CRTAC1: variants seen among roughly 807,000 people sequenced by gnomAD.
CRTAC1 encodes cartilage acidic protein 1.
Under a neutral mutation model 67.8 loss-of-function variants are expected in CRTAC1, and 37 were observed. The ratio of observed to expected loss-of-function variants is 0.55; its 90% CI spans 0.42 to 0.72. The LOEUF is 0.72. Ranked by LOEUF, CRTAC1 falls within the 30% of genes least tolerant of loss-of-function variation. The pLI, the probability that CRTAC1 is intolerant of heterozygous loss-of-function variation, is 0.00. For missense variants in CRTAC1, 780 were observed against 931.6 expected (o/e 0.84, Z 2.12); for synonymous variants, 348 against 371.0 (o/e 0.94, Z 0.71).
At chr10:97,936,921 A>T (rs2136615231) in intron 2 of CRTAC1, among the ~76,000 whole-genome samples, 1 of 152,130 alleles carries the variant, frequency 6.6e-6, no homozygotes, top group African/African-American at 2.4e-5. Flanking sequence ...GGTGCTTTCT[A>T]CTATCCCGAG....
chr10:97,910,734 T>C (rs1276540435), intron 5 of CRTAC1, among the ~76,000 whole-genome samples: 1 of 152,130 alleles, frequency 6.6e-6, no homozygotes, highest in African/African-American at 2.4e-5. Flanking sequence ...GGGGCCTTTT[T>C]CGCCTATGCA....
chr10:98,012,877 T>G (rs1217036607), intron 1 of CRTAC1, among the ~76,000 whole-genome samples: 1 of 152,150 alleles, frequency 6.6e-6, no homozygotes, highest in African/African-American at 2.4e-5. Context: ...CATTCCAAAT[T>G]ACAGAGATGT....
chr10:97,928,554 T>A (rs1388945710), intron 3 of CRTAC1, among the ~76,000 whole-genome samples: 1 of 152,136 alleles, frequency 6.6e-6, no homozygotes, highest in Admixed American at 6.5e-5. Context: ...ATGAAGCGCC[T>A]GGGGCATGAG....
In CRTAC1 at chr10:97,897,096, T is replaced by G. The variant is rs1415262017; in HGVS notation, c.1134-105A>C. On this transcript the variant is annotated intron_variant, in intron 8 of 14. Transcript: ENST00000370597. The stretch of plus-strand genomic sequence containing the variant: ...CCCTGAGCATCCCCGGGTCCCAATG[T>G]GCATGGGCTACCACCTGGCTGCCCA... 1.1e-5 allele frequency: 8 copies of G among 759,380 alleles called. No homozygotes were observed. The East Asian group carries it at 2.4e-4, about 23-fold the overall frequency. The allele number at this position is 759,380 out of a possible 1,614,324, so 47.0% of individuals were successfully genotyped here. A position where few individuals can be genotyped will look rare whatever the true frequency, so the allele number is the denominator to read the frequency against.
chr10:97,891,693 G>T (rs510393), intron 11 of CRTAC1, among the ~76,000 whole-genome samples: 37,093 of 152,076 alleles, frequency 0.24, 4,872 homozygotes, highest in East Asian at 0.52. Context: ...CCCTGTTCTC[G>T]CACCCCCATG....
At chr10:97,886,198 C>A (rs970230213) in intron 11 of CRTAC1, among the ~76,000 whole-genome samples, 1 of 152,304 alleles carries the variant, frequency 6.6e-6, no homozygotes, top group East Asian at 1.9e-4. Context: ...GAGGGAGTTA[C>A]GCCTTGTGAG....
At position 97,981,614 on chromosome 10, in the gene CRTAC1, G is replaced by A. The variant is rs142743546; in HGVS notation, c.224+29524C>T. ...CAAATAGCCTTGCACATAATTTTCT[G>A]ACCTTATATTTCTGATTATTTTGCT... is the stretch of plus-strand genomic sequence containing the variant. On this transcript the variant is annotated intron_variant, in intron 2 of 14. Transcript: ENST00000370597. 4.1e-4 allele frequency among the ~76,000 whole-genome samples: 63 copies of A among 152,122 alleles called. 3 individuals carry two copies. The East Asian group carries it at 0.012, about 29-fold the overall frequency.
intron 9 of CRTAC1, among the ~76,000 whole-genome samples, chr10:97,896,189 C>T (rs527389628): frequency 2.6e-5 from 4 of 152,174 alleles, no homozygotes; most frequent in Non-Finnish European, 5.9e-5. Flanking sequence ...ACAGACATTT[C>T]CTTCCTTCCC....
At chr10:97,911,895 G>C (rs1033070195) in intron 5 of CRTAC1, among the ~76,000 whole-genome samples, 3 of 152,168 alleles carry the variant, frequency 2.0e-5, no homozygotes, top group Non-Finnish European at 4.4e-5. Context: ...TAGCTTTGGA[G>C]AATGATGTTC....
At chr10:97,891,575 T>C (rs897288177) in intron 11 of CRTAC1, among the ~76,000 whole-genome samples, 1 of 152,258 alleles carries the variant, frequency 6.6e-6, no homozygotes, top group African/African-American at 2.4e-5. Context: ...TCTGCCTTCC[T>C]CCGCCCACTG....
Position 97,985,852 on chromosome 10 carries a change from G to A in CRTAC1, c.224+25286C>T, listed in dbSNP as rs146133533. ...CACCCATCCCAGCCTGTCCTGCACT[G>A]AAATAAGAACTCACTTTGTGAACTG... On this transcript the variant is annotated intron_variant, in intron 2 of 14. Transcript: ENST00000370597. 1.4e-3 allele frequency among the ~76,000 whole-genome samples: 220 copies of A among 152,258 alleles called. 1 individual carries two copies. The highest frequency in any genetic ancestry group is 0.01 in the Middle Eastern group (3 of 294).
At chr10:97,999,285 G>T (rs1443504769) in intron 2 of CRTAC1, among the ~76,000 whole-genome samples, 1 of 152,216 alleles carries the variant, frequency 6.6e-6, no homozygotes, top group African/African-American at 2.4e-5. Flanking sequence ...CACTCTTGGG[G>T]GCCTGGGAAG....
intron 2 of CRTAC1, among the ~76,000 whole-genome samples, chr10:97,995,772 C>G (rs1842552062): frequency 6.6e-6 from 1 of 152,074 alleles, no homozygotes; most frequent in Non-Finnish European, 1.5e-5. Context: ...GTTACAGAAC[C>G]CTACATTAAG....
rs751857125 is a variant in CRTAC1 at position 97,896,892 on chromosome 10, C to T, written c.1216+17G>A. ...CTAAGGGGGCAGTGCAGGCCAGATC[C>T]CCCAGGTGCCCCTCACCTGTGCCCC... On this transcript the variant is annotated intron_variant, in intron 9 of 14. Transcript: ENST00000370597. 10 of 1,517,126 alleles carry T rather than the reference C, an allele frequency of 6.6e-6. No individual in the cohort carries two copies. The highest frequency in any genetic ancestry group is 1.9e-4 in the Middle Eastern group (1 of 5,340). The allele number at this position is 1,517,126 out of a possible 1,614,324, so 94.0% of individuals were successfully genotyped here.
intron 2 of CRTAC1, among the ~76,000 whole-genome samples, chr10:97,980,511 A>T (rs1483207501): frequency 6.6e-6 from 1 of 152,212 alleles, no homozygotes; most frequent in Non-Finnish European, 1.5e-5. Context: ...AAGTCCTGGG[A>T]TCCACTTCCA....
chr10:97,950,231 G>A (rs1210371032), intron 2 of CRTAC1, among the ~76,000 whole-genome samples: 1 of 132,566 alleles, frequency 7.5e-6, no homozygotes, highest in Admixed American at 8.0e-5. Flanking sequence ...TTGCATGTAC[G>A]TGCACACACA....
intron 12 of CRTAC1, 134 bp from the exon 13 acceptor site, chr10:97,882,962 G>T: frequency 1.1e-6 from 1 of 877,194 alleles, no homozygotes; most frequent in Non-Finnish European, 1.8e-6. Context: ...GGGCCTGGGG[G>T]GAGCCCCCTC....
chr10:97,876,228 C>T (rs1413736048), intron 14 of CRTAC1, among the ~76,000 whole-genome samples: 1 of 152,190 alleles, frequency 6.6e-6, no homozygotes, highest in East Asian at 1.9e-4. Flanking sequence ...CCAGTCCTGC[C>T]TTCGTCTGTC....
Position 97,883,872 on chromosome 10 carries a change from G to A in CRTAC1, c.1632+334C>T, listed in dbSNP as rs181893696. ...ACCAGGAGGGCAGCAACAGACCTGG[G>A]GTCATTTTAAAACTTTGCTCACAAC... On this transcript the variant is annotated intron_variant, in intron 12 of 14. Coordinates refer to ENST00000370597, the MANE Select transcript of CRTAC1 (RefSeq NM_018058.7). Among the ~76,000 whole-genome samples the A allele has an allele frequency of 4.2e-4, 64 of 152,298 alleles. No homozygotes were observed. In the Middle Eastern group the frequency reaches 0.017, roughly 40 times the overall value.
Sources: gnomAD v4.1 joint callset for allele counts (sites outside exome capture counted in the v4.1 genomes callset) on GRCh38, gnomAD v4.1.1 for gene constraint, MANE v1.5 for transcripts, NCBI Gene and HGNC (gene_info 2026-07-23, HGNC 2026-07-21) for gene names.